Variants in ANO2 observed in about 807,000 individuals in gnomAD.
The protein encoded by ANO2 is anoctamin-2.
Under a neutral mutation model 124.2 loss-of-function variants are expected in ANO2, and 101 were observed. That is an observed-to-expected ratio of 0.81 (90% CI 0.69 to 0.96). ANO2 has a LOEUF of 0.96. Ranked by LOEUF, ANO2 falls within the 40% of genes least tolerant of loss-of-function variation. ANO2 has a pLI of 0.00. For synonymous variants in ANO2, 486 were observed against 482.5 expected (o/e 1.01, Z -0.09); for missense variants, 1,293 against 1,274.5 (o/e 1.01, Z -0.22).
chr12:5,906,171 A>C (rs1260046792), intron 3 of ANO2, among the ~76,000 whole-genome samples: 1 of 152,130 alleles, frequency 6.6e-6, no homozygotes, highest in Non-Finnish European at 1.5e-5. Flanking sequence ...GGGCAGGGCT[A>C]GGAGAAGGCA....
intron 14 of ANO2, among the ~76,000 whole-genome samples, chr12:5,680,405 G>A (rs1948439676): frequency 6.6e-6 from 1 of 152,230 alleles, no homozygotes; most frequent in Non-Finnish European, 1.5e-5. Context: ...GCCAGACTAG[G>A]AGAGGGTCTG....
chr12:5,789,998 G>A (rs551953119), intron 10 of ANO2, among the ~76,000 whole-genome samples: 119 of 152,288 alleles, frequency 7.8e-4, no homozygotes, highest in South Asian at 6.9e-3. Context: ...AGTGGCTCCC[G>A]GGATCAAACA....
At chr12:5,671,348 T>C (rs965850161) in intron 14 of ANO2, among the ~76,000 whole-genome samples, 7 of 152,062 alleles carry the variant, frequency 4.6e-5, no homozygotes, top group African/African-American at 1.7e-4. Context: ...TCCAACCCAT[T>C]CACAATAAAT....
intron 4 of ANO2, among the ~76,000 whole-genome samples, chr12:5,843,833 G>C (rs1954600732): frequency 6.6e-6 from 1 of 152,124 alleles, no homozygotes; most frequent in South Asian, 2.1e-4. Context: ...TAATCAACCT[G>C]GTGTTTATTG....
At chr12:5,702,444 A>T (rs1949440549) in intron 14 of ANO2, among the ~76,000 whole-genome samples, 1 of 152,226 alleles carries the variant, frequency 6.6e-6, no homozygotes, top group African/African-American at 2.4e-5. Context: ...TAATATCCAT[A>T]ATATATAAAG....
rs888321758 is a variant in ANO2, at chr12:5,901,369, G to T, written c.534+19671C>A. Among the ~76,000 whole-genome samples the T allele has an allele frequency of 5.9e-5, 9 of 152,282 alleles. No individual in the cohort carries two copies. In the East Asian group the frequency reaches 1.7e-3, roughly 29 times the overall value. On this transcript the variant is annotated intron_variant, in intron 3 of 24. Coordinates refer to ENST00000682330, the MANE Select transcript of ANO2 (RefSeq NM_001364791.2). ...TGATACCCCAACAAGAACAAGGAAGGAACAAGGGGGAGGACAAGCAGCTGT... is the reference window on the plus strand; with the variant it reads ...TGATACCCCAACAAGAACAAGGAAGTAACAAGGGGGAGGACAAGCAGCTGT...
chr12:5,565,534 C>A (rs370112327), intron 24 of ANO2, 24 bp downstream of exon 24: 196 of 1,559,314 alleles, frequency 1.3e-4, no homozygotes, highest in Non-Finnish European at 1.6e-4. Context: ...TTCGAATGGG[C>A]TATTCCCTAT....
intron 7 of ANO2, among the ~76,000 whole-genome samples, 168 bp from the exon 8 acceptor site, chr12:5,807,536 T>G (rs1170360937): frequency 6.6e-6 from 1 of 152,216 alleles, no homozygotes; most frequent in Non-Finnish European, 1.5e-5. Context: ...GTTCTTAGTA[T>G]AAGAACAATA....
intron 14 of ANO2, among the ~76,000 whole-genome samples, chr12:5,666,821 T>C (rs1947751298): frequency 7.7e-6 from 1 of 130,326 alleles, no homozygotes; most frequent in Non-Finnish European, 1.6e-5. Context: ...CCCTGCCTGA[T>C]GGGAGTGTCT....
chr12:5,598,744 A>G (rs546287099), intron 20 of ANO2, among the ~76,000 whole-genome samples: 3 of 152,334 alleles, frequency 2.0e-5, no homozygotes, highest in South Asian at 2.1e-4. Flanking sequence ...ATCCATCCCA[A>G]TAGAAGATCA....
intron 10 of ANO2, among the ~76,000 whole-genome samples, chr12:5,781,186 T>C (rs1421120730): frequency 2.0e-5 from 3 of 152,218 alleles, no homozygotes. Context: ...ATGCAAAGTG[T>C]CAAAAATTGA....
intron 23 of ANO2, among the ~76,000 whole-genome samples, chr12:5,568,588 T>G (rs1471235417): frequency 6.6e-6 from 1 of 152,158 alleles, no homozygotes; most frequent in Admixed American, 6.6e-5. Flanking sequence ...CCCTAAGAAG[T>G]CGGGCTTATC....
At chr12:5,871,103 C>T (rs982990727) in intron 3 of ANO2, among the ~76,000 whole-genome samples, 4 of 152,168 alleles carry the variant, frequency 2.6e-5, no homozygotes, top group African/African-American at 4.8e-5. Flanking sequence ...CGGCCCCAGT[C>T]GTTAGCCTGG....
At position 5,874,438 on chromosome 12, in the gene ANO2, G is replaced by A. The variant is rs182120872; in HGVS notation, c.535-20297C>T. On this transcript the variant is annotated intron_variant, in intron 3 of 24. Transcript: ENST00000682330. ...AACCCTGAGGGCCTTCCCAACTCCA[G>A]AGCTGCAGGCTTCTTTGGTGCTTCA... Among the ~76,000 whole-genome samples the A allele has an allele frequency of 9.7e-4, 148 of 152,318 alleles. 2 individuals are homozygous for A. The highest frequency in any genetic ancestry group is 2.1e-3 in the East Asian group (11 of 5,186).
Position 5,563,159 on chromosome 12 carries a change from T to C in ANO2, c.*140A>G, listed in dbSNP as rs1316643440. The C allele has an allele frequency of 1.9e-5, 22 of 1,160,574 alleles. No individual in the cohort carries two copies. The highest frequency in any genetic ancestry group is 4.7e-5 in the African/African-American group (3 of 64,166). The allele number at this position is 1,160,574 out of a possible 1,614,324, so 71.9% of individuals were successfully genotyped here. A position where few individuals can be genotyped will look rare whatever the true frequency, so the allele number is the denominator to read the frequency against. On this transcript the variant is annotated 3_prime_UTR_variant, in exon 25 of 25. Coordinates refer to ENST00000682330, the MANE Select transcript of ANO2 (RefSeq NM_001364791.2). ...CACTCATTCTGTCAGGCTCTTTCTT[T>C]TTACACACTGCCCCCTCTTCAAGAC...
At chr12:5,659,753 CT>C (rs533350829) in intron 14 of ANO2, among the ~76,000 whole-genome samples, 36 of 152,310 alleles carry the variant, frequency 2.4e-4, no homozygotes, top group Non-Finnish European at 4.9e-4. Context: ...TGCAGCTCCA[CT>C]TTCTTTTTCT....
At chr12:5,719,686 A>G (rs1950151363) in intron 14 of ANO2, among the ~76,000 whole-genome samples, 1 of 152,220 alleles carries the variant, frequency 6.6e-6, no homozygotes, top group South Asian at 2.1e-4. Flanking sequence ...ACTGTGAGAA[A>G]TAAGTTTCTG....
chr12:5,621,220 A>G (rs1945103222), intron 16 of ANO2, among the ~76,000 whole-genome samples: 1 of 152,190 alleles, frequency 6.6e-6, no homozygotes, highest in African/African-American at 2.4e-5. Flanking sequence ...TCCCAGAGAG[A>G]CATCTTCCAG....
intron 23 of ANO2, among the ~76,000 whole-genome samples, chr12:5,573,756 A>G (rs1565425463): frequency 6.6e-6 from 1 of 152,334 alleles, no homozygotes; most frequent in East Asian, 1.9e-4. Flanking sequence ...TTATGAGTAA[A>G]TTTATTCATC....
Sources: allele counts gnomAD v4.1 joint callset (sites outside exome capture counted in the v4.1 genomes callset), GRCh38; gene constraint gnomAD v4.1.1; transcripts MANE v1.5; gene names NCBI Gene and HGNC (gene_info 2026-07-23, HGNC 2026-07-21).